The following SH3GL2 variants were observed in gnomAD, a reference collection of about 807,000 sequenced individuals.
The protein encoded by SH3GL2 is SH3 domain containing GRB2 like 2, endophilin A1, also known as endophilin-A1.
A neutral mutation model predicts 46.0 loss-of-function variants in SH3GL2; 24 were observed. The ratio of observed to expected loss-of-function variants is 0.52; its 90% CI spans 0.38 to 0.73. The LOEUF (loss-of-function observed/expected upper bound fraction) is 0.73, where lower values mean the gene tolerates loss of function less well. SH3GL2 is among the 30% of genes least tolerant of loss of function. SH3GL2 has a pLI of 0.00. For synonymous variants in SH3GL2, 196 were observed against 147.1 expected (o/e 1.33, Z -2.40); for missense variants, 413 against 424.2 (o/e 0.97, Z 0.23).
chr9:17,781,741 T>C (rs987690272), intron 3 of SH3GL2, among the ~76,000 whole-genome samples: 11 of 152,134 alleles, frequency 7.2e-5, no homozygotes, highest in African/African-American at 2.4e-4. Flanking sequence ...TTGTATACTT[T>C]ACTCAGATTC....
chr9:17,733,553 T>A (rs1822241311), intron 1 of SH3GL2, among the ~76,000 whole-genome samples: 1 of 150,174 alleles, frequency 6.7e-6, no homozygotes, highest in Non-Finnish European at 1.5e-5. Flanking sequence ...ATTGTGGAAG[T>A]CAGTGTGGCA....
At chr9:17,718,345 C>T (rs1297526540) in intron 1 of SH3GL2, among the ~76,000 whole-genome samples, 3 of 152,126 alleles carry the variant, frequency 2.0e-5, no homozygotes, top group Non-Finnish European at 4.4e-5. Flanking sequence ...CTGCTGTATA[C>T]TGGTGTGGCA....
intron 2 of SH3GL2, among the ~76,000 whole-genome samples, chr9:17,752,162 G>A (rs1405344186): frequency 1.3e-5 from 2 of 152,102 alleles, no homozygotes; most frequent in Non-Finnish European, 2.9e-5. Flanking sequence ...GGGGACAGAT[G>A]GATTAACTCT....
At chr9:17,700,501 G>A (rs1821320686) in intron 1 of SH3GL2, among the ~76,000 whole-genome samples, 1 of 152,194 alleles carries the variant, frequency 6.6e-6, no homozygotes, top group African/African-American at 2.4e-5. Context: ...GATTCCTGTG[G>A]TTAGGTTAGC....
At chr9:17,714,817 A>C (rs57049043) in intron 1 of SH3GL2, among the ~76,000 whole-genome samples, 1 of 151,674 alleles carries the variant, frequency 6.6e-6, no homozygotes, top group African/African-American at 2.4e-5. Flanking sequence ...AACATTTTCT[A>C]TGCTTTTAAT....
At chr9:17,638,717 G>A (rs1009592095) in intron 1 of SH3GL2, among the ~76,000 whole-genome samples, 2 of 152,178 alleles carry the variant, frequency 1.3e-5, no homozygotes, top group African/African-American at 4.8e-5. Flanking sequence ...CCTGCCCTTG[G>A]AGCTAATATC....
At chr9:17,689,017 A>C (rs970638657) in intron 1 of SH3GL2, among the ~76,000 whole-genome samples, 1 of 152,066 alleles carries the variant, frequency 6.6e-6, no homozygotes, top group African/African-American at 2.4e-5. Flanking sequence ...GGAGAAACCC[A>C]CACACACTAC....
chr9:17,720,719 TA>T (rs1821874735), intron 1 of SH3GL2, among the ~76,000 whole-genome samples: 1 of 152,110 alleles, frequency 6.6e-6, no homozygotes. Context: ...TAAGGAAACG[TA>T]AGAAAAATGA....
intron 1 of SH3GL2, among the ~76,000 whole-genome samples, chr9:17,712,405 T>G (rs1267431682): frequency 6.6e-6 from 1 of 151,832 alleles, no homozygotes; most frequent in African/African-American, 2.4e-5. Context: ...TTACAAAGAT[T>G]TTTTCCTATC....
intron 1 of SH3GL2, among the ~76,000 whole-genome samples, chr9:17,640,679 A>G (rs1819658902): frequency 6.6e-6 from 1 of 152,210 alleles, no homozygotes; most frequent in Non-Finnish European, 1.5e-5. Context: ...GTGTTTCTCC[A>G]TAACACTTCT....
chr9:17,694,637 G>GTGA (rs1428773505), intron 1 of SH3GL2, among the ~76,000 whole-genome samples: 4 of 152,162 alleles, frequency 2.6e-5, no homozygotes, highest in Non-Finnish European at 4.4e-5. Context: ...ATTTGAGAGT[G>GTGA]TGAATGGTAT....
chr9:17,699,153 CAAAAA>C (rs3084657), intron 1 of SH3GL2, among the ~76,000 whole-genome samples: 2,825 of 86,514 alleles, frequency 0.033, 58 homozygotes, highest in East Asian at 0.15. Context: ...GACTCTGTCT[CAAAAA>C]AAAAAAAAAA....
At chr9:17,629,864 A>T (rs368774079) in intron 1 of SH3GL2, among the ~76,000 whole-genome samples, 24 of 152,214 alleles carry the variant, frequency 1.6e-4, no homozygotes, top group African/African-American at 5.3e-4. Context: ...ACTTTCATAT[A>T]TTCAGCAACT....
intron 1 of SH3GL2, among the ~76,000 whole-genome samples, chr9:17,701,176 G>A (rs1246324629): frequency 6.6e-6 from 1 of 152,176 alleles, no homozygotes; most frequent in East Asian, 1.9e-4. Context: ...AATAAACATT[G>A]TATACACAGA....
intron 1 of SH3GL2, among the ~76,000 whole-genome samples, chr9:17,654,511 T>C (rs1820025765): frequency 1.3e-5 from 2 of 152,226 alleles, no homozygotes; most frequent in African/African-American, 4.8e-5. Flanking sequence ...AACTCTGTTC[T>C]GAGCCAATAT....
At chr9:17,692,143 C>CTA (rs1821096113) in intron 1 of SH3GL2, among the ~76,000 whole-genome samples, 3 of 151,994 alleles carry the variant, frequency 2.0e-5, no homozygotes, top group Admixed American at 2.0e-4. Context: ...GATGGTACAT[C>CTA]TATATAGTGG....
chr9:17,579,829 C>T (rs1818244336), intron 1 of SH3GL2, among the ~76,000 whole-genome samples: 1 of 152,180 alleles, frequency 6.6e-6, no homozygotes, highest in Non-Finnish European at 1.5e-5. Flanking sequence ...GAATGGAAGG[C>T]TGGGGTCTTC....
intron 1 of SH3GL2, among the ~76,000 whole-genome samples, chr9:17,648,637 G>T (rs752458732): frequency 6.6e-6 from 1 of 152,108 alleles, no homozygotes; most frequent in Non-Finnish European, 1.5e-5. Flanking sequence ...ATGTACTGAG[G>T]TAGTGACTTG....
chr9:17,689,564 C>T (rs920627242), intron 1 of SH3GL2, among the ~76,000 whole-genome samples: 8 of 152,092 alleles, frequency 5.3e-5, no homozygotes, highest in African/African-American at 1.9e-4. Flanking sequence ...TGTGATTTGG[C>T]CCTTTCATCT....
Sources: gnomAD v4.1 joint callset for allele counts (sites outside exome capture counted in the v4.1 genomes callset) on GRCh38, gnomAD v4.1.1 for gene constraint, MANE v1.5 for transcripts, NCBI Gene and HGNC (gene_info 2026-07-23, HGNC 2026-07-21) for gene names.